The following RXFP2 variants were observed in gnomAD, a reference collection of about 807,000 sequenced individuals.
RXFP2 encodes the protein relaxin receptor 2.
A neutral mutation model predicts 88.6 loss-of-function variants in RXFP2; 68 were observed. The observed-to-expected ratio is 0.77, with a 90% CI of 0.63 to 0.94. RXFP2 has a LOEUF of 0.94. Ranked by LOEUF, RXFP2 falls within the 40% of genes least tolerant of loss-of-function variation. RXFP2 has a pLI of 0.00. For synonymous variants in RXFP2, 329 were observed against 306.8 expected, an observed-to-expected ratio of 1.07 and a Z score of -0.76; for missense variants, 791 against 893.9, an observed-to-expected ratio of 0.88 and a Z score of 1.47.
At chr13:31,786,693 C>T (rs748754008) in intron 13 of RXFP2, 56 bp downstream of exon 13, 2 of 1,115,906 alleles carry the variant, frequency 1.8e-6, no homozygotes, top group Non-Finnish European at 2.7e-6. Context: ...TACTTAGAGA[C>T]ACATTTATTT....
chr13:31,773,143 T>C (rs1441199066), intron 5 of RXFP2, among the ~76,000 whole-genome samples: 1 of 152,214 alleles, frequency 6.6e-6, no homozygotes, highest in Non-Finnish European at 1.5e-5. Flanking sequence ...GTTCATCCTA[T>C]TCACAGCAGA....
intron 6 of RXFP2, 97 bp from the exon 7 acceptor site, chr13:31,775,221 C>T: frequency 1.0e-6 from 1 of 981,090 alleles, no homozygotes; most frequent in Middle Eastern, 2.1e-4. Context: ...CGCAGATGTC[C>T]ATATCCATAA....
rs562415052 is a variant in RXFP2, at chr13:31,793,184, A to G, written c.1786+96A>G. On this transcript the variant is annotated intron_variant, in intron 16 of 17. Transcript: ENST00000298386. ...GGATTTGTTTGTTTCAGAAAGTGAG[A>G]TAACATAGTCAAGACTGTGTCCTTT... 8 of 1,139,354 alleles carry G rather than the reference A, an allele frequency of 7.0e-6. No homozygotes were observed. In the African/African-American group the frequency reaches 1.1e-4, roughly 15 times the overall value. The allele number at this position is 1,139,354 out of a possible 1,614,324, so 70.6% of individuals were successfully genotyped here.
intron 14 of RXFP2, among the ~76,000 whole-genome samples, chr13:31,791,109 A>C (rs186984013): frequency 9.2e-4 from 140 of 152,356 alleles, no homozygotes; most frequent in African/African-American, 3.2e-3. Context: ...AGAAAATTCT[A>C]AACACACAGG....
rs1018380382 is a variant in RXFP2 at position 31,764,979 on chromosome 13, A to G, written c.320-58A>G. The G allele has an allele frequency of 4.2e-6, 4 of 945,374 alleles. No individual in the cohort carries two copies. In the East Asian group the frequency reaches 7.2e-5, roughly 17 times the overall value. 58.6% of individuals were successfully genotyped at this position (945,374 alleles called of 1,614,324 possible). A position where few individuals can be genotyped will look rare whatever the true frequency, so the allele number is the denominator to read the frequency against. On this transcript the variant is annotated intron_variant, in intron 3 of 17. Coordinates refer to ENST00000298386, the MANE Select transcript of RXFP2 (RefSeq NM_130806.5). ...GAAAACAATATCAGTTATTAAAGGC[A>G]AAGTCATAATTAATGTATTTGTTTA...
At chr13:31,752,242 C>T (rs1871702218) in intron 1 of RXFP2, among the ~76,000 whole-genome samples, 1 of 152,122 alleles carries the variant, frequency 6.6e-6, no homozygotes, top group Non-Finnish European at 1.5e-5. Context: ...AAACATTAGG[C>T]AGTCATCTGA....
At chr13:31,774,533 C>T in intron 5 of RXFP2, 87 bp from the exon 6 acceptor site, 1 of 786,920 alleles carries the variant, frequency 1.3e-6, no homozygotes. Flanking sequence ...CAATTGTCTT[C>T]AGGTAAAGAA....
intron 7 of RXFP2, 130 bp downstream of exon 7, chr13:31,775,519 G>C: frequency 1.3e-6 from 1 of 765,646 alleles, no homozygotes. Context: ...CATATAATCT[G>C]CAGAACTTTA....
At chr13:31,767,715 C>G (rs1872599944) in intron 5 of RXFP2, among the ~76,000 whole-genome samples, 1 of 152,104 alleles carries the variant, frequency 6.6e-6, no homozygotes, top group African/African-American at 2.4e-5. Flanking sequence ...AAGTGGAAGA[C>G]CCAGAATTAG....
chr13:31,760,520 G>A (rs1355418805), intron 2 of RXFP2, among the ~76,000 whole-genome samples: 1 of 152,202 alleles, frequency 6.6e-6, no homozygotes, highest in African/African-American at 2.4e-5. Context: ...GCAACTGTCT[G>A]GATGCCAATG....
At chr13:31,784,669 C>A (rs1873443934) in intron 11 of RXFP2, among the ~76,000 whole-genome samples, 1 of 152,246 alleles carries the variant, frequency 6.6e-6, no homozygotes, top group Admixed American at 6.5e-5. Context: ...GGACTTCAGA[C>A]TTTGGTGTCA....
intron 12 of RXFP2, 25 bp downstream of exon 12, chr13:31,786,479 C>A: frequency 6.3e-7 from 1 of 1,576,520 alleles, no homozygotes; most frequent in South Asian, 1.1e-5. Flanking sequence ...TCACCATAAT[C>A]AGATTTAAAG....
intron 14 of RXFP2, 21 bp from the exon 15 acceptor site, chr13:31,791,785 T>A (rs898272581): frequency 7.7e-6 from 12 of 1,552,836 alleles, no homozygotes; most frequent in Non-Finnish European, 9.8e-6. Context: ...AAAGTGACAC[T>A]TTTTTTCCCT....
intron 2 of RXFP2, 130 bp downstream of exon 2, chr13:31,758,534 C>T: frequency 1.9e-6 from 2 of 1,047,362 alleles, no homozygotes; most frequent in Non-Finnish European, 1.4e-6. Context: ...TCCTTTGAAA[C>T]ACAAATAATG....
At chr13:31,772,272 A>C (rs1310217217) in intron 5 of RXFP2, among the ~76,000 whole-genome samples, 1 of 152,234 alleles carries the variant, frequency 6.6e-6, no homozygotes, top group Non-Finnish European at 1.5e-5. Flanking sequence ...AAATACAATC[A>C]CTGGAAACAA....
intron 1 of RXFP2, among the ~76,000 whole-genome samples, chr13:31,750,081 C>T (rs1163641515): frequency 1.3e-5 from 2 of 152,140 alleles, no homozygotes; most frequent in Non-Finnish European, 2.9e-5. Flanking sequence ...TCTGGAGCCT[C>T]TCATAAACGG....
intron 9 of RXFP2, 68 bp from the exon 10 acceptor site, chr13:31,781,603 A>T: frequency 8.8e-7 from 1 of 1,138,786 alleles, no homozygotes; most frequent in Non-Finnish European, 1.3e-6. Context: ...TAACCATTTT[A>T]AAAAGTATCT....
intron 4 of RXFP2, 36 bp from the exon 5 acceptor site, chr13:31,765,920 A>G (rs1057339667): frequency 9.6e-7 from 1 of 1,046,630 alleles, no homozygotes; most frequent in Admixed American, 1.9e-5. Context: ...TGGCCATAAC[A>G]ATCCATAATG....
rs145610114 is a variant in RXFP2, at chr13:31,797,726, C to G, written c.2005+307C>G. 2.6e-5 allele frequency among the ~76,000 whole-genome samples: 4 copies of G among 152,218 alleles called. No individual in the cohort carries two copies. In the East Asian group the frequency reaches 7.7e-4, roughly 29 times the overall value. On this transcript the variant is annotated intron_variant, in intron 17 of 17. Transcript: ENST00000298386. Reference sequence around the variant, plus strand: ...TCAAAATATACATGCCCAGGTTCCACCCGGGACTGTTTTGTCTCTAGAGGC... The same window carrying G: ...TCAAAATATACATGCCCAGGTTCCAGCCGGGACTGTTTTGTCTCTAGAGGC...
Sources: allele counts gnomAD v4.1 joint callset (sites outside exome capture counted in the v4.1 genomes callset), GRCh38; gene constraint gnomAD v4.1.1; transcripts MANE v1.5; gene names NCBI Gene and HGNC (gene_info 2026-07-23, HGNC 2026-07-21).